Variants in USP36 observed in about 807,000 individuals in gnomAD.
USP36 encodes the protein ubiquitin carboxyl-terminal hydrolase 36.
A neutral mutation model predicts 111.5 loss-of-function variants in USP36; 59 were observed. The ratio of observed to expected loss-of-function variants is 0.53; its 90% CI spans 0.43 to 0.66. USP36 has a LOEUF of 0.66. Among genes scored for constraint, USP36 ranks in the 30% least tolerant of loss-of-function variants. USP36 has a pLI of 0.00. For missense variants in USP36, 1,488 were observed against 1,468.0 expected (o/e 1.01, Z -0.22); for synonymous variants, 628 against 581.0 (o/e 1.08, Z -1.16).
Position 78,798,130 on chromosome 17 carries a change from C to T in USP36, c.*21-251G>A, listed in dbSNP as rs1413608088. On this transcript the variant is annotated intron_variant, in intron 20 of 20. Coordinates refer to ENST00000449938, the MANE Select transcript of USP36 (RefSeq NM_001385174.1). The surrounding 1 kb of genome is among the most constrained non-coding windows in gnomAD (Gnocchi z 5.1). ...GCCACAGATGCCAGGTGTACACACC[C>T]CACACCCAACACACACTACACACAC... 4.4e-6 allele frequency: 2 copies of T among 452,614 alleles called. No individual in the cohort carries two copies. The highest frequency in any genetic ancestry group is 4.0e-5 in the African/African-American group (2 of 49,572). 28.0% of individuals were successfully genotyped at this position (452,614 alleles called of 1,614,324 possible).
chr17:78,835,911 G>T, intron 3 of USP36, 200 bp downstream of exon 3: 1 of 762,460 alleles, frequency 1.3e-6, no homozygotes, highest in Non-Finnish European at 2.1e-6. Context: ...CAAGTACACA[G>T]ATCCACCAAG....
chr17:78,797,768 T>C lies in USP36; in HGVS notation c.*132A>G, dbSNP rs1050196567. The C allele has an allele frequency of 6.6e-6, 1 of 152,552 alleles. No individual in the cohort carries two copies. The allele number at this position is 152,552 out of a possible 1,614,324, so 9.4% of individuals were successfully genotyped here. A position where few individuals can be genotyped will look rare whatever the true frequency, so the allele number is the denominator to read the frequency against. On this transcript the variant is annotated 3_prime_UTR_variant, in exon 21 of 21. Transcript: ENST00000449938. ...GTGTTGGGCGGTCTGTGGACACTGG[T>C]ACCGGGAGAGCTCCTACCGTGACAG...
intron 1 of USP36, 111 bp downstream of exon 1, chr17:78,840,625 G>C (rs2069201822): frequency 6.6e-6 from 1 of 152,284 alleles, no homozygotes; most frequent in African/African-American, 2.4e-5. Context: ...CGTTCTCCCT[G>C]AGCGTCCCGG....
intron 6 of USP36, among the ~76,000 whole-genome samples, chr17:78,824,977 G>A (rs902463026): frequency 6.6e-6 from 1 of 152,172 alleles, no homozygotes; most frequent in South Asian, 2.1e-4. Flanking sequence ...TGACAGTTAC[G>A]AATATCTAAC....
chr17:78,831,463 A>G (rs1162090898), intron 4 of USP36, among the ~76,000 whole-genome samples: 2 of 151,430 alleles, frequency 1.3e-5, no homozygotes, highest in Non-Finnish European at 2.9e-5. Context: ...AAATACAAAC[A>G]TTAGCCGTGT....
intron 7 of USP36, chr17:78,821,400 ATATATATATATATATATATATTT>A (rs1377801008): frequency 2.0e-5 from 1 of 49,454 alleles, no homozygotes; most frequent in African/African-American, 1.1e-4. Flanking sequence ...ATATATATAT[ATATATATATATATATATATATTT>A]TTTTTTTTTT....
At chr17:78,818,618 G>T in intron 10 of USP36, 49 bp downstream of exon 10, 1 of 1,530,284 alleles carries the variant, frequency 6.5e-7, no homozygotes, top group Non-Finnish European at 9.1e-7. Context: ...TTATTCTGAT[G>T]CCGACTGTGG....
At chr17:78,834,151 A>G (rs1185111855) in intron 4 of USP36, among the ~76,000 whole-genome samples, 3 of 151,808 alleles carry the variant, frequency 2.0e-5, no homozygotes, top group Non-Finnish European at 4.4e-5. Context: ...GGAGGCTGAG[A>G]CAGGAGAATT....
rs2093919869 is a variant in USP36, at chr17:78,806,990, G to A, written c.2054C>T (p.Pro685Leu). ...GGCAGAAAGGGCCAGTTTTTTGGCT[G>A]GTGGAGGAGACATGGTGCTTGCAGG... ...TEPASTMSPP[P>L]AKKLALSAKK... Residue 685 changes from proline to leucine, a missense_variant, in exon 14 of 21, where the codon CCA becomes CTA. Coordinates refer to ENST00000449938, the MANE Select transcript of USP36 (RefSeq NM_001385174.1). The A allele has an allele frequency of 1.9e-6, 3 of 1,614,038 alleles. No homozygotes were observed. Among genetic ancestry groups the A allele is most frequent in the African/African-American group, 1.3e-5 (1 of 74,940 alleles).
At chr17:78,794,620 G>A (rs544648956), downstream of USP36, among the ~76,000 whole-genome samples, 2 of 152,262 alleles carry the variant, frequency 1.3e-5, no homozygotes, top group Admixed American at 1.3e-4. Context: ...TTTGGGAAAC[G>A]GCAGTTAAGA....
At chr17:78,821,234 T>G (rs2094310773) in intron 7 of USP36, 173 bp from the exon 8 acceptor site, 2 of 599,406 alleles carry the variant, frequency 3.3e-6, no homozygotes, top group South Asian at 3.9e-5. Flanking sequence ...CTTTCACCAC[T>G]GAAGTTCACA....
At chr17:78,827,165 T>G (rs1461856270) in intron 6 of USP36, 80 bp downstream of exon 6, 2 of 1,475,820 alleles carry the variant, frequency 1.4e-6, no homozygotes, top group Non-Finnish European at 9.2e-7. Flanking sequence ...CCGGGCTGGC[T>G]GTTGCCATAG....
chr17:78,798,885 G>A lies in USP36; in HGVS notation c.3240+23C>T, dbSNP rs770730253. 5 of 1,613,056 alleles carry A rather than the reference G, an allele frequency of 3.1e-6. No homozygotes were observed. The highest frequency in any genetic ancestry group is 2.7e-5 in the African/African-American group (2 of 74,916). On this transcript the variant is annotated intron_variant, in intron 19 of 20. Coordinates refer to ENST00000449938, the MANE Select transcript of USP36 (RefSeq NM_001385174.1). The surrounding 1 kb of genome is among the most constrained non-coding windows in gnomAD (Gnocchi z 5.1). ...CACGCCGCCCTGCTCCCTCAAGCCT[G>A]TGGTCAGCATCACACATCATACCTT...
At chr17:78,804,376 G>A (rs940088917) in intron 15 of USP36, among the ~76,000 whole-genome samples, 1 of 150,366 alleles carries the variant, frequency 6.7e-6, no homozygotes, top group East Asian at 2.0e-4. Flanking sequence ...CAGGAGAATC[G>A]CTTGAACCTG....
chr17:78,819,590 G>A (rs550923080), intron 9 of USP36, among the ~76,000 whole-genome samples: 5 of 152,258 alleles, frequency 3.3e-5, no homozygotes, highest in Non-Finnish European at 7.3e-5. Flanking sequence ...ATGTGAGCTC[G>A]TGCTCTGCCA....
chr17:78,809,359 GT>G (rs1454553470), intron 13 of USP36, among the ~76,000 whole-genome samples: 2 of 152,086 alleles, frequency 1.3e-5, no homozygotes, highest in Non-Finnish European at 2.9e-5. Context: ...TGTTAATACT[GT>G]TTTCTAAAAG....
At chr17:78,809,971 C>T (rs569275935) in intron 13 of USP36, among the ~76,000 whole-genome samples, 48 of 151,868 alleles carry the variant, frequency 3.2e-4, no homozygotes, top group African/African-American at 9.9e-4. Context: ...CTCGGCCTCT[C>T]GAATAGCTGG....
At chr17:78,793,943 T>C (rs978778332), downstream of USP36, among the ~76,000 whole-genome samples, 2 of 152,172 alleles carry the variant, frequency 1.3e-5, no homozygotes, top group Admixed American at 6.5e-5. Flanking sequence ...CTAAGTCAGA[T>C]TGAATCTCTC....
chr17:78,839,605 C>T (rs2069051556), intron 1 of USP36, among the ~76,000 whole-genome samples: 1 of 152,214 alleles, frequency 6.6e-6, no homozygotes, highest in Admixed American at 6.5e-5. Context: ...AACCCAGTTT[C>T]ACTCGAGATA....
Sources: allele counts gnomAD v4.1 joint callset (sites outside exome capture counted in the v4.1 genomes callset), GRCh38; gene constraint gnomAD v4.1.1; non-coding constraint Gnocchi (gnomAD v3.1); transcripts MANE v1.5; gene names NCBI Gene and HGNC (gene_info 2026-07-23, HGNC 2026-07-21).